Variants in BACH2 observed in about 807,000 individuals in gnomAD.
BACH2 encodes BACH transcriptional regulator 2.
A neutral mutation model predicts 61.8 loss-of-function variants in BACH2; 5 were observed. That is an observed-to-expected ratio of 0.08 (90% CI 0.04 to 0.17). The LOEUF (loss-of-function observed/expected upper bound fraction) is 0.17. Among genes scored for constraint, BACH2 ranks in the 10% least tolerant of loss-of-function variants. The pLI is 1.00. For missense variants in BACH2, 824 were observed against 1,091.1 expected, an observed-to-expected ratio of 0.76 and a Z score of 3.45; for synonymous variants, 446 against 440.1, an observed-to-expected ratio of 1.01 and a Z score of -0.17.
intron 4 of BACH2, among the ~76,000 whole-genome samples, chr6:90,187,819 C>T (rs1582463936): frequency 6.6e-6 from 1 of 152,322 alleles, no homozygotes; most frequent in Admixed American, 6.5e-5. Flanking sequence ...ATTTAACTCT[C>T]ACAACCGATC....
intron 1 of BACH2, among the ~76,000 whole-genome samples, chr6:90,295,160 G>A (rs1772300717): frequency 6.6e-6 from 1 of 152,034 alleles, no homozygotes; most frequent in Non-Finnish European, 1.5e-5. Context: ...CTCGTTTCCT[G>A]GAGGCCACAG....
chr6:90,129,281 T>C (rs925367727), intron 4 of BACH2, among the ~76,000 whole-genome samples: 7 of 152,212 alleles, frequency 4.6e-5, no homozygotes, highest in Non-Finnish European at 8.8e-5. Context: ...CCCAGACTAC[T>C]GGAGCCCTAA....
intron 2 of BACH2, among the ~76,000 whole-genome samples, chr6:90,255,256 A>G (rs1342105829): frequency 1.3e-5 from 2 of 152,220 alleles, no homozygotes; most frequent in African/African-American, 2.4e-5. Flanking sequence ...CTGCTCCACA[A>G]TAAGCAATAT....
chr6:90,103,145 G>C (rs1782751099), intron 4 of BACH2, among the ~76,000 whole-genome samples: 1 of 148,774 alleles, frequency 6.7e-6, no homozygotes, highest in South Asian at 2.1e-4. Context: ...ACTGATTTGA[G>C]CATGCATTTG....
rs536391088 is a variant in BACH2, at chr6:90,174,190, T to C, written c.-162+32379A>G. On this transcript the variant is annotated intron_variant, in intron 4 of 8. Coordinates refer to ENST00000257749, the MANE Select transcript of BACH2 (RefSeq NM_021813.4). ...GCAAAAATCCTGAACAAAATATTAG[T>C]AATTCAAATCTAATAATTTCCAAAG... is the stretch of plus-strand genomic sequence containing the variant. 2.0e-3 allele frequency among the ~76,000 whole-genome samples: 307 copies of C among 152,156 alleles called. 1 individual carries two copies. The highest frequency in any genetic ancestry group is 3.7e-3 in the Non-Finnish European group (251 of 67,896).
At chr6:90,031,120 T>C (rs1040811405) in intron 5 of BACH2, among the ~76,000 whole-genome samples, 14 of 152,028 alleles carry the variant, frequency 9.2e-5, no homozygotes, top group Admixed American at 4.6e-4. Flanking sequence ...ATTATCTCAA[T>C]AGATGCAGAA....
At chr6:89,987,944 ACCAC>A (rs748625916) in intron 6 of BACH2, among the ~76,000 whole-genome samples, 22 of 152,150 alleles carry the variant, frequency 1.4e-4, no homozygotes, top group Non-Finnish European at 2.9e-4. Flanking sequence ...TACTCTGGAT[ACCAC>A]TAGCAAAACA....
rs1422867546 is a variant in BACH2 at position 90,011,974 on chromosome 6, G to GTGTGTGTA, written c.-12-3119_-12-3118insTACACACA. ...TGTGTGTGTGTGTGTGTGTGTGTGT[G>GTGTGTGTA]TATGAGTGATGAGGTCTCGCCATAT... On this transcript the variant is annotated intron_variant, in intron 5 of 8. Transcript: ENST00000257749. Among the ~76,000 whole-genome samples, 149 of 147,864 alleles carry GTGTGTGTA rather than the reference G, an allele frequency of 1.0e-3. 3 individuals carry two copies. Among genetic ancestry groups the GTGTGTGTA allele is most frequent in the African/African-American group, 3.5e-3 (139 of 39,264 alleles).
Position 89,951,564 on chromosome 6 carries a change from G to C in BACH2, c.542C>G (p.Pro181Arg). ...MDSETAKMAC[P>R]RDQMLPEPIS... is the part of the protein sequence containing the mutation. ...GGGCTCTGGAAGCATCTGGTCCCTG[G>C]GGCAAGCCATCTTGGCCGTCTCTGA... Residue 181 changes from proline to arginine, a missense_variant, in exon 7 of 9, where the codon CCC (proline) becomes CGC (arginine). Coordinates refer to ENST00000257749, the MANE Select transcript of BACH2 (RefSeq NM_021813.4). This position sits in a 1 kb window ranked among gnomAD's most constrained non-coding sequence, Gnocchi z 6.4. The C allele has an allele frequency of 6.2e-7, 1 of 1,614,130 alleles. No individual in the cohort carries two copies. Among genetic ancestry groups the C allele is most frequent in the Non-Finnish European group, 8.5e-7 (1 of 1,180,026 alleles).
chr6:90,019,512 C>T (rs1303779670), intron 5 of BACH2, among the ~76,000 whole-genome samples: 4 of 151,980 alleles, frequency 2.6e-5, no homozygotes, highest in African/African-American at 4.8e-5. Context: ...AAAGCATGAA[C>T]TAGAAGACCA....
At chr6:90,100,377 T>C (rs758739314) in intron 4 of BACH2, among the ~76,000 whole-genome samples, 7 of 152,188 alleles carry the variant, frequency 4.6e-5, no homozygotes, top group Non-Finnish European at 7.3e-5. Context: ...TGGTCAAACA[T>C]GTTTGGGTGT....
intron 5 of BACH2, among the ~76,000 whole-genome samples, chr6:90,056,331 G>A (rs929646320): frequency 8.5e-5 from 13 of 152,272 alleles, no homozygotes; most frequent in African/African-American, 3.1e-4. Flanking sequence ...CCTAGTCTCT[G>A]ATAAAACAGA....
intron 4 of BACH2, among the ~76,000 whole-genome samples, chr6:90,182,480 G>C (rs1186202839): frequency 6.6e-6 from 1 of 152,192 alleles, no homozygotes; most frequent in Non-Finnish European, 1.5e-5. Context: ...AATCAGGACA[G>C]GCTTCTCTTA....
rs977364249 is a variant in BACH2 at position 90,222,521 on chromosome 6, T to C, written c.-274-15840A>G. 2.6e-5 allele frequency among the ~76,000 whole-genome samples: 4 copies of C among 152,270 alleles called. No homozygotes were observed. The South Asian group carries it at 8.3e-4, about 32-fold the overall frequency. On this transcript the variant is annotated intron_variant, in intron 3 of 8. Transcript: ENST00000257749. ...TCACAGAACCATTACATTTTTTTCATGCTGAAATTTGTGCTTAGAATGAAA... is the reference window on the plus strand; with the variant it reads ...TCACAGAACCATTACATTTTTTTCACGCTGAAATTTGTGCTTAGAATGAAA...
intron 5 of BACH2, among the ~76,000 whole-genome samples, chr6:90,035,223 G>T (rs1301287998): frequency 6.6e-6 from 1 of 151,972 alleles, no homozygotes; most frequent in African/African-American, 2.4e-5. Context: ...AACTACTCTT[G>T]CCTTTAAGTT....
chr6:89,995,816 C>T (rs1010202703), intron 6 of BACH2, among the ~76,000 whole-genome samples: 2 of 152,150 alleles, frequency 1.3e-5, no homozygotes, highest in Non-Finnish European at 2.9e-5. Context: ...AGTTGATGCT[C>T]GCGATATCAC....
At chr6:90,193,718 T>C (rs1327741180) in intron 4 of BACH2, among the ~76,000 whole-genome samples, 1 of 152,200 alleles carries the variant, frequency 6.6e-6, no homozygotes, top group Non-Finnish European at 1.5e-5. Context: ...AGGAAACTAG[T>C]TGTGTCAAAC....
rs554472757 is a variant in BACH2 at position 90,043,514 on chromosome 6, CCCTT to C, written c.-12-34662_-12-34659del. Among the ~76,000 whole-genome samples, 18 of 151,500 alleles carry C rather than the reference CCCTT, an allele frequency of 1.2e-4. No individual in the cohort carries two copies. The South Asian group carries it at 3.8e-3, about 32-fold the overall frequency. On this transcript the variant is annotated intron_variant, in intron 5 of 8. Coordinates refer to ENST00000257749, the MANE Select transcript of BACH2 (RefSeq NM_021813.4). ...TCTCTCCCTCCCTCCCTTCCTCCCT[CCCTT>C]CCTCTCTCTCCTCCCTCACTCCCTT...
Position 89,950,629 on chromosome 6 carries a change from T to G in BACH2, c.1477A>C (p.Arg493=). Residue 493 remains arginine (R), a synonymous_variant, in exon 7 of 9, where the codon AGG becomes CGG. Coordinates refer to ENST00000257749, the MANE Select transcript of BACH2 (RefSeq NM_021813.4). The surrounding 1 kb of genome is among the most constrained non-coding windows in gnomAD (Gnocchi z 5.3). ...GGGCAGCTGGTGTTGGGCCGCATCCTTCCTGGCAAGTGGTCGGCCATCAGC... is the reference window on the plus strand; with the variant it reads ...GGGCAGCTGGTGTTGGGCCGCATCCGTCCTGGCAAGTGGTCGGCCATCAGC... ...GGLMADHLPG[R]MRPNTSCPVP... The G allele has an allele frequency of 6.2e-7, 1 of 1,614,070 alleles. No homozygotes were observed. The highest frequency in any genetic ancestry group is 1.1e-5 in the South Asian group (1 of 91,070).
Sources: allele counts gnomAD v4.1 joint callset (sites outside exome capture counted in the v4.1 genomes callset), GRCh38; gene constraint gnomAD v4.1.1; non-coding constraint Gnocchi (gnomAD v3.1); transcripts MANE v1.5; gene names NCBI Gene and HGNC (gene_info 2026-07-23, HGNC 2026-07-21).